Variants in EPHA3 observed in about 807,000 individuals in gnomAD.
EPHA3 encodes ephrin type-A receptor 3.
Under a neutral mutation model 107.1 loss-of-function variants are expected in EPHA3, and 42 were observed. The ratio of observed to expected loss-of-function variants is 0.39; its 90% CI spans 0.31 to 0.51. The LOEUF (loss-of-function observed/expected upper bound fraction) is 0.51. EPHA3 is among the 20% of genes least tolerant of loss of function. The pLI, the probability that EPHA3 is intolerant of heterozygous loss-of-function variation, is 0.78. For synonymous variants in EPHA3, 461 were observed against 424.8 expected, an observed-to-expected ratio of 1.09 and a Z score of -1.05; for missense variants, 1,183 against 1,211.2, an observed-to-expected ratio of 0.98 and a Z score of 0.35.
At chr3:89,305,852 T>A (rs1706608546) in intron 3 of EPHA3, among the ~76,000 whole-genome samples, 1 of 152,194 alleles carries the variant, frequency 6.6e-6, no homozygotes, top group South Asian at 2.1e-4. Flanking sequence ...TTTCCTTATT[T>A]TTCTAACATG....
chr3:89,376,643 C>T (rs1708410332), intron 5 of EPHA3, among the ~76,000 whole-genome samples: 1 of 151,972 alleles, frequency 6.6e-6, no homozygotes, highest in Admixed American at 6.6e-5. Context: ...AAAGTCTCCT[C>T]TATACTGCAT....
chr3:89,219,688 G>GTGTTTTTTTTTGTTTTTTTGTT, intron 3 of EPHA3, among the ~76,000 whole-genome samples: 1 of 34,440 alleles, frequency 2.9e-5, no homozygotes, highest in African/African-American at 1.2e-4. Flanking sequence ...ATTTGGCAAT[G>GTGTTTTTTTTTGTTTTTTTGTT]TTTTTTTTTT....
At chr3:89,451,830 G>A (rs1709997049) in intron 15 of EPHA3, among the ~76,000 whole-genome samples, 1 of 151,940 alleles carries the variant, frequency 6.6e-6, no homozygotes. Context: ...CAATGCATGG[G>A]AAATTCCTTG....
intron 11 of EPHA3, among the ~76,000 whole-genome samples, chr3:89,421,146 T>C (rs1011614341): frequency 6.6e-6 from 1 of 151,334 alleles, no homozygotes; most frequent in Non-Finnish European, 1.5e-5. Flanking sequence ...TTCTCTAACA[T>C]AGTGAGACAT....
At chr3:89,436,009 C>T (rs570108982) in intron 13 of EPHA3, among the ~76,000 whole-genome samples, 21 of 151,512 alleles carry the variant, frequency 1.4e-4, no homozygotes, top group African/African-American at 2.9e-4. Flanking sequence ...GGCATGGAGA[C>T]GCTCACCTGT....
intron 1 of EPHA3, among the ~76,000 whole-genome samples, chr3:89,111,231 C>A (rs1377818907): frequency 5.3e-5 from 8 of 151,750 alleles, no homozygotes; most frequent in Admixed American, 6.6e-5. Flanking sequence ...GAGTAGTAGG[C>A]AAATGTTGGA....
chr3:89,251,380 T>A (rs1705164038), intron 3 of EPHA3, among the ~76,000 whole-genome samples: 1 of 152,074 alleles, frequency 6.6e-6, no homozygotes, highest in African/African-American at 2.4e-5. Context: ...TAGAAAGTGA[T>A]AAATGTATCA....
chr3:89,306,537 T>G (rs1410323109), intron 3 of EPHA3, among the ~76,000 whole-genome samples: 2 of 152,134 alleles, frequency 1.3e-5, no homozygotes, highest in African/African-American at 4.8e-5. Flanking sequence ...AAAATAAAAT[T>G]TTGAATAACA....
intron 2 of EPHA3, among the ~76,000 whole-genome samples, chr3:89,137,774 A>G (rs779090229): frequency 4.6e-5 from 7 of 151,952 alleles, no homozygotes; most frequent in Non-Finnish European, 7.4e-5. Flanking sequence ...ATACACTTGG[A>G]TTTTTCTGAT....
chr3:89,242,875 G>T (rs535646922), intron 3 of EPHA3, among the ~76,000 whole-genome samples: 4 of 151,616 alleles, frequency 2.6e-5, no homozygotes, highest in South Asian at 2.1e-4. Context: ...TTTAACGTTT[G>T]GTATATCTCC....
At chr3:89,134,171 C>T (rs1341095613) in intron 2 of EPHA3, among the ~76,000 whole-genome samples, 2 of 151,686 alleles carry the variant, frequency 1.3e-5, no homozygotes, top group East Asian at 3.9e-4. Flanking sequence ...GTAAGAGAAT[C>T]AGCTTCTATG....
intron 3 of EPHA3, among the ~76,000 whole-genome samples, chr3:89,310,310 T>C (rs549703801): frequency 6.6e-6 from 1 of 152,120 alleles, no homozygotes; most frequent in African/African-American, 2.4e-5. Context: ...AAAATAGAAA[T>C]TGAAGACCTT....
At chr3:89,132,305 C>G (rs185185859) in intron 2 of EPHA3, among the ~76,000 whole-genome samples, 1 of 152,132 alleles carries the variant, frequency 6.6e-6, no homozygotes, top group Admixed American at 6.5e-5. Context: ...TTAAGCCACT[C>G]TTAGTGTTTT....
At chr3:89,205,822 C>T (rs997707363) in intron 2 of EPHA3, among the ~76,000 whole-genome samples, 4 of 151,146 alleles carry the variant, frequency 2.6e-5, no homozygotes, top group Non-Finnish European at 4.4e-5. Context: ...TTCATCTCTG[C>T]CTTGAGACAA....
chr3:89,191,040 T>G (rs1161872787), intron 2 of EPHA3, among the ~76,000 whole-genome samples: 1 of 152,136 alleles, frequency 6.6e-6, no homozygotes, highest in African/African-American at 2.4e-5. Flanking sequence ...GTTTACCCAT[T>G]TCATTTTATT....
At chr3:89,156,046 A>G (rs1704798876) in intron 2 of EPHA3, among the ~76,000 whole-genome samples, 1 of 152,076 alleles carries the variant, frequency 6.6e-6, no homozygotes, top group Admixed American at 6.6e-5. Context: ...AAACTCGGCC[A>G]TTTGGAGCGA....
At chr3:89,150,209 T>G (rs1704659303) in intron 2 of EPHA3, among the ~76,000 whole-genome samples, 1 of 151,988 alleles carries the variant, frequency 6.6e-6, no homozygotes, top group Admixed American at 6.6e-5. Context: ...CCACAGACAT[T>G]GCAGATATGA....
In EPHA3 at chr3:89,479,557, T is replaced by A. The variant is rs1710586057; in HGVS notation, c.*55T>A. 7.4e-7 allele frequency: 1 copy of A among 1,354,178 alleles called. No homozygotes were observed. Among genetic ancestry groups the A allele is most frequent in the Non-Finnish European group, 1.1e-6 (1 of 946,886 alleles). 83.9% of individuals were successfully genotyped at this position (1,354,178 alleles called of 1,614,324 possible). ...AGTGGTGGCTGTGGAAGGCGTAGCA[T>A]CATCCTGCAGACAGACAATAATTCT... On this transcript the variant is annotated 3_prime_UTR_variant, in exon 17 of 17. Coordinates refer to ENST00000336596, the MANE Select transcript of EPHA3 (RefSeq NM_005233.6).
At chr3:89,396,849 G>C (rs115342110) in intron 6 of EPHA3, among the ~76,000 whole-genome samples, 2 of 152,270 alleles carry the variant, frequency 1.3e-5, no homozygotes, top group Admixed American at 1.3e-4. Context: ...TTAAGTCTGA[G>C]CTGTATAACA....
Sources: allele counts gnomAD v4.1 joint callset (sites outside exome capture counted in the v4.1 genomes callset), GRCh38; gene constraint gnomAD v4.1.1; transcripts MANE v1.5; gene names NCBI Gene and HGNC (gene_info 2026-07-23, HGNC 2026-07-21).